The following SPACA6 variants were observed in gnomAD, a reference collection of about 807,000 sequenced individuals.
The protein encoded by SPACA6 is sperm acrosome membrane-associated protein 6.
For synonymous variants in SPACA6, 6 were observed against 1.5 expected, an observed-to-expected ratio of 4.05 and a Z score of -2.21; for missense variants, 8 against 2.8, an observed-to-expected ratio of 2.88 and a Z score of -1.34.
chr19:51,692,671 G>T (rs374956435), upstream of SPACA6: 1 of 532,942 alleles, frequency 1.9e-6, no homozygotes, highest in South Asian at 1.4e-5. The surrounding 1 kb of genome is among the most constrained non-coding windows in gnomAD (Gnocchi z 5.6). Context: ...TCGTGTCTGT[G>T]GGTCCGTGTC....
At chr19:51,691,709 G>A (rs1192644872), upstream of SPACA6, among the ~76,000 whole-genome samples, 1 of 151,828 alleles carries the variant, frequency 6.6e-6, no homozygotes, top group Non-Finnish European at 1.5e-5. Flanking sequence ...AAAGGAACCG[G>A]AAGGTGCGCC....
In SPACA6 at chr19:51,703,907, C is replaced by G. The variant is rs1219374432; in HGVS notation, c.574-123C>G. On this transcript the variant is annotated intron_variant, in intron 6 of 8. Transcript: ENST00000637797. This position sits in a 1 kb window ranked among gnomAD's most constrained non-coding sequence, Gnocchi z 4.2. Reference sequence around the variant, plus strand: ...TTTAGGGCAGGGGAGCGAGAAGGCTCGGGGGCGGGCTCAAGGCTCAGGGCC... The same window carrying G: ...TTTAGGGCAGGGGAGCGAGAAGGCTGGGGGGCGGGCTCAAGGCTCAGGGCC... 5.3e-6 allele frequency: 2 copies of G among 374,360 alleles called. No homozygotes were observed. The highest frequency in any genetic ancestry group is 5.0e-5 in the African/African-American group (2 of 39,856). The allele number at this position is 374,360 out of a possible 1,614,324, so 23.2% of individuals were successfully genotyped here.
intron 4 of SPACA6, 118 bp from the exon 5 acceptor site, chr19:51,702,903 G>A (rs1302959868): frequency 1.3e-5 from 5 of 399,038 alleles, no homozygotes; most frequent in East Asian, 3.6e-5. Flanking sequence ...CAGGGAGGGC[G>A]GGGTCAAGAT....
rs2083444460 is a variant in SPACA6, at chr19:51,698,275, C to G, written c.293-3383C>G. Among the ~76,000 whole-genome samples, 2 of 152,152 alleles carry G rather than the reference C, an allele frequency of 1.3e-5. 1 individual carries two copies. The highest frequency in any genetic ancestry group is 4.1e-4 in the South Asian group (2 of 4,824). On this transcript the variant is annotated intron_variant, in intron 2 of 8. Coordinates refer to ENST00000637797, the MANE Select transcript of SPACA6 (RefSeq NM_001316972.2). The stretch of plus-strand genomic sequence containing the variant: ...CAGATGATCTGAACCAGGGTCAGAG[C>G]TCCTGACGATATGCAACTCCTCTGG...
intron 2 of SPACA6, among the ~76,000 whole-genome samples, chr19:51,697,672 G>A (rs188258854): frequency 6.6e-6 from 1 of 152,270 alleles, no homozygotes; most frequent in East Asian, 1.9e-4. Context: ...GGAGCAGCAG[G>A]GAGATGGAGG....
upstream of SPACA6, chr19:51,686,488 G>A (rs1301736375): frequency 6.6e-6 from 1 of 152,218 alleles, no homozygotes; most frequent in Non-Finnish European, 1.5e-5. Flanking sequence ...CATCCAGGGT[G>A]AATGTAGAAT....
upstream of SPACA6, chr19:51,685,840 A>G (rs1452810503): frequency 2.0e-5 from 3 of 152,228 alleles, no homozygotes; most frequent in East Asian, 3.8e-4. Context: ...TTTGACTGCA[A>G]TCTATCACAT....
chr19:51,713,116 A>G (rs1227652721), downstream of SPACA6: 1 of 316,484 alleles, frequency 3.2e-6, no homozygotes. This position sits in a 1 kb window ranked among gnomAD's most constrained non-coding sequence, Gnocchi z 4.5. Flanking sequence ...CTGGGGGAAA[A>G]TAAATAAAAT....
upstream of SPACA6, chr19:51,692,633 C>T (rs1431437202): frequency 1.9e-6 from 1 of 531,046 alleles, no homozygotes; most frequent in Non-Finnish European, 3.9e-6. This position sits in a 1 kb window ranked among gnomAD's most constrained non-coding sequence, Gnocchi z 5.6. Context: ...GTAGAACCGA[C>T]CTTGCGGGGC....
rs532826297 is a variant in SPACA6, at chr19:51,704,207, G to T, written c.730+21G>T. On this transcript the variant is annotated intron_variant, in intron 7 of 8. Transcript: ENST00000637797. ...TAACGGTGGGGCGGGGCGCGGCCGC[G>T]TGAGTGAGCGGGGTCGGGAGAGGGG... 7.5e-6 allele frequency: 3 copies of T among 401,012 alleles called. No individual in the cohort carries two copies. In the South Asian group the frequency reaches 3.8e-4, roughly 50 times the overall value. 24.8% of individuals were successfully genotyped at this position (401,012 alleles called of 1,614,324 possible).
chr19:51,696,019 T>C (rs1422186242), intron 2 of SPACA6, among the ~76,000 whole-genome samples: 1 of 152,054 alleles, frequency 6.6e-6, no homozygotes, highest in East Asian at 1.9e-4. Flanking sequence ...GCAGTGACTT[T>C]GAGGGGTCCC....
In SPACA6 at chr19:51,703,017, A is replaced by G. The variant is rs1335011874; in HGVS notation, c.386-4A>G. ...CGCCTAGACCCAGCGTTCCCGCTCCACAGGTCTCCAGGAGTTCGCCCGGCG... is the reference window on the plus strand; with the variant it reads ...CGCCTAGACCCAGCGTTCCCGCTCCGCAGGTCTCCAGGAGTTCGCCCGGCG... On this transcript the variant is annotated splice_polypyrimidine_tract_variant and splice_region_variant and intron_variant, in intron 4 of 8. Transcript: ENST00000637797. The surrounding 1 kb of genome is among the most constrained non-coding windows in gnomAD (Gnocchi z 4.2). 5.0e-6 allele frequency: 2 copies of G among 399,122 alleles called. No individual in the cohort carries two copies. Among genetic ancestry groups the G allele is most frequent in the African/African-American group, 2.1e-5 (1 of 48,660 alleles). 24.7% of individuals were successfully genotyped at this position (399,122 alleles called of 1,614,324 possible).
At chr19:51,702,573 C>A in intron 3 of SPACA6, 56 bp from the exon 4 acceptor site, 2 of 376,354 alleles carry the variant, frequency 5.3e-6, no homozygotes, top group Non-Finnish European at 9.1e-6. Flanking sequence ...AGGGGAGCAT[C>A]GGGCAAGGGT....
At position 51,702,621 on chromosome 19, in the gene SPACA6, C is replaced by T. The variant is rs2083478109; in HGVS notation, c.362-8C>T. On this transcript the variant is annotated splice_polypyrimidine_tract_variant and splice_region_variant and intron_variant, in intron 3 of 8. Transcript: ENST00000637797. ...TGTAAGGTAGTGATGTTTCCTCTTC[C>T]TCCACAGCCCAGGCTTGCATCCCTC... 5.0e-6 allele frequency: 2 copies of T among 399,176 alleles called. No homozygotes were observed. The highest frequency in any genetic ancestry group is 3.6e-5 in the East Asian group (1 of 28,062). The allele number at this position is 399,176 out of a possible 1,614,324, so 24.7% of individuals were successfully genotyped here.
At chr19:51,691,195 A>G (rs891306899), upstream of SPACA6, among the ~76,000 whole-genome samples, 4 of 77,304 alleles carry the variant, frequency 5.2e-5, no homozygotes, top group African/African-American at 2.9e-4. Flanking sequence ...GAGAGAGGGA[A>G]GGAGAAAAGA....
At chr19:51,706,006 G>C (rs113498289), downstream of SPACA6, among the ~76,000 whole-genome samples, 3,638 of 152,172 alleles carry the variant, frequency 0.024, 82 homozygotes, top group African/African-American at 0.06. Context: ...AAGGACTTAG[G>C]TTTTAAAGTG....
At chr19:51,693,217 C>T, upstream of SPACA6, 1 of 607,336 alleles carries the variant, frequency 1.6e-6, no homozygotes, top group South Asian at 1.6e-5. Flanking sequence ...ATCTCTGACC[C>T]CCACCCCAGG....
At chr19:51,687,273 A>G (rs940235299), upstream of SPACA6, 5 of 142,760 alleles carry the variant, frequency 3.5e-5, no homozygotes, top group African/African-American at 7.6e-5. Flanking sequence ...ATACATACAT[A>G]CATACATACA....
At chr19:51,707,218 TTC>T (rs1285804747), downstream of SPACA6, among the ~76,000 whole-genome samples, 1 of 147,324 alleles carries the variant, frequency 6.8e-6, no homozygotes, top group Non-Finnish European at 1.5e-5. Flanking sequence ...ACAAAACTGT[TTC>T]TCTCTCTCCC....
Sources: allele counts gnomAD v4.1 joint callset (sites outside exome capture counted in the v4.1 genomes callset), GRCh38; gene constraint gnomAD v4.1.1; non-coding constraint Gnocchi (gnomAD v3.1); transcripts MANE v1.5; gene names NCBI Gene and HGNC (gene_info 2026-07-23, HGNC 2026-07-21).